The following CSMD1 variants were observed in gnomAD, a reference collection of about 807,000 sequenced individuals.
The protein encoded by CSMD1 is CUB and sushi domain-containing protein 1.
In CSMD1, 213 loss-of-function variants were observed where a neutral mutation model predicts 417.5. The observed-to-expected ratio is 0.51, with a 90% CI of 0.46 to 0.57. The LOEUF is 0.57. Ranked by LOEUF, CSMD1 falls within the 20% of genes least tolerant of loss-of-function variation. The pLI is 0.00. For synonymous variants in CSMD1, 2,862 were observed against 1,736.8 expected (o/e 1.65, Z -16.11); for missense variants, 6,923 against 4,529.7 (o/e 1.53, Z -15.17).
At chr8:3,228,026 C>G (rs912472755) in intron 27 of CSMD1, among the ~76,000 whole-genome samples, 1 of 152,116 alleles carries the variant, frequency 6.6e-6, no homozygotes, top group Non-Finnish European at 1.5e-5. Context: ...CCTTGGCCTC[C>G]TAAAGTGCTG....
chr8:3,015,109 A>G (rs79763288), intron 52 of CSMD1, among the ~76,000 whole-genome samples: 1 of 151,924 alleles, frequency 6.6e-6, no homozygotes, highest in African/African-American at 2.4e-5. Context: ...GAAAAAAAAA[A>G]ACAGAACTGA....
At chr8:3,693,366 T>C (rs1396582982) in intron 7 of CSMD1, among the ~76,000 whole-genome samples, 3 of 152,142 alleles carry the variant, frequency 2.0e-5, no homozygotes, top group African/African-American at 7.2e-5. Flanking sequence ...AATGATAAAA[T>C]CCGAGTAATG....
chr8:3,409,379 C>A (rs780524308), intron 13 of CSMD1, 44 bp downstream of exon 13: 3 of 1,484,994 alleles, frequency 2.0e-6, no homozygotes, highest in Admixed American at 2.0e-5. Context: ...CTTGCAAGAT[C>A]CTTGCAGGAC....
intron 1 of CSMD1, among the ~76,000 whole-genome samples, chr8:4,723,726 G>A (rs1397906428): frequency 1.4e-5 from 2 of 142,390 alleles, no homozygotes; most frequent in African/African-American, 5.3e-5. Flanking sequence ...AAATAATAAT[G>A]AAAGGAATTT....
chr8:2,965,261 G>C (rs968382485), intron 59 of CSMD1, among the ~76,000 whole-genome samples: 6 of 152,122 alleles, frequency 3.9e-5, no homozygotes, highest in African/African-American at 1.4e-4. Flanking sequence ...AGTCACATAA[G>C]TCATAAACCT....
chr8:4,428,076 A>G (rs185295190), intron 2 of CSMD1, among the ~76,000 whole-genome samples: 155 of 152,252 alleles, frequency 1.0e-3, no homozygotes, highest in Middle Eastern at 6.8e-3. Flanking sequence ...TCTCGTTTTC[A>G]TATCAGACAA....
At chr8:4,603,558 T>C (rs972656768) in intron 2 of CSMD1, among the ~76,000 whole-genome samples, 5 of 152,072 alleles carry the variant, frequency 3.3e-5, no homozygotes, top group African/African-American at 7.2e-5. Context: ...AGAACAAATA[T>C]TAAGTGACCT....
chr8:2,947,100 T>C (rs1802294668), intron 68 of CSMD1, among the ~76,000 whole-genome samples: 1 of 152,236 alleles, frequency 6.6e-6, no homozygotes, highest in African/African-American at 2.4e-5. Context: ...ATAAGAGTTC[T>C]TCGTACATTC....
chr8:4,457,871 C>T (rs1389745672), intron 2 of CSMD1, among the ~76,000 whole-genome samples: 2 of 152,120 alleles, frequency 1.3e-5, no homozygotes, highest in African/African-American at 4.8e-5. Flanking sequence ...TCCCCTGGGA[C>T]AGCTTGATGC....
intron 2 of CSMD1, among the ~76,000 whole-genome samples, chr8:4,520,037 C>A (rs940727979): frequency 6.6e-6 from 1 of 151,550 alleles, no homozygotes; most frequent in Non-Finnish European, 1.5e-5. Context: ...AGAATAAATT[C>A]TATGCTTGTT....
At chr8:3,800,893 C>T (rs564330483) in intron 5 of CSMD1, among the ~76,000 whole-genome samples, 1 of 152,192 alleles carries the variant, frequency 6.6e-6, no homozygotes, top group East Asian at 1.9e-4. Flanking sequence ...CTATGGCCCC[C>T]AACAACCATG....
intron 5 of CSMD1, among the ~76,000 whole-genome samples, chr8:3,888,949 A>C (rs1468666689): frequency 6.6e-6 from 1 of 152,208 alleles, no homozygotes; most frequent in Non-Finnish European, 1.5e-5. Context: ...TGAAGATTTT[A>C]TTAATTGTAT....
At chr8:3,860,209 C>A (rs898992567) in intron 5 of CSMD1, among the ~76,000 whole-genome samples, 4 of 152,136 alleles carry the variant, frequency 2.6e-5, no homozygotes, top group African/African-American at 4.8e-5. Flanking sequence ...AAAGTAGGAA[C>A]AGCACCAGGT....
intron 1 of CSMD1, among the ~76,000 whole-genome samples, chr8:4,696,728 C>T (rs1476188291): frequency 3.9e-5 from 6 of 152,224 alleles, no homozygotes; most frequent in Admixed American, 3.3e-4. Context: ...TTCACTAGTA[C>T]CCAGAATAAT....
At chr8:4,207,659 A>C (rs1435285088) in intron 3 of CSMD1, among the ~76,000 whole-genome samples, 1 of 152,158 alleles carries the variant, frequency 6.6e-6, no homozygotes, top group Admixed American at 6.5e-5. Flanking sequence ...GTATTCCTAC[A>C]TAAATTAGTG....
At chr8:4,376,817 C>T (rs908562782) in intron 3 of CSMD1, among the ~76,000 whole-genome samples, 2 of 152,210 alleles carry the variant, frequency 1.3e-5, no homozygotes, top group African/African-American at 4.8e-5. Context: ...CTTTCATGTT[C>T]CTCACCCCTG....
At chr8:4,087,635 C>T (rs890011646) in intron 3 of CSMD1, among the ~76,000 whole-genome samples, 1 of 152,116 alleles carries the variant, frequency 6.6e-6, no homozygotes, top group Non-Finnish European at 1.5e-5. Flanking sequence ...TTCTTCGATA[C>T]TCTCACATTC....
At chr8:4,489,488 C>G (rs1246275776) in intron 2 of CSMD1, among the ~76,000 whole-genome samples, 1 of 152,154 alleles carries the variant, frequency 6.6e-6, no homozygotes, top group Non-Finnish European at 1.5e-5. Context: ...ATATGCCCCA[C>G]CAGAAACGAG....
chr8:4,057,993 C>CTTAGG (rs1378622846), intron 3 of CSMD1, among the ~76,000 whole-genome samples: 1 of 151,308 alleles, frequency 6.6e-6, no homozygotes, highest in Non-Finnish European at 1.5e-5. Context: ...GTTCTTTTGC[C>CTTAGG]TTAGGATTGA....
Sources: allele counts gnomAD v4.1 joint callset (sites outside exome capture counted in the v4.1 genomes callset), GRCh38; gene constraint gnomAD v4.1.1; transcripts MANE v1.5; gene names NCBI Gene and HGNC (gene_info 2026-07-23, HGNC 2026-07-21).